VWA7: variants seen among roughly 807,000 people sequenced by gnomAD.
VWA7 encodes von Willebrand factor A domain-containing protein 7.
A neutral mutation model predicts 83.1 loss-of-function variants in VWA7; 66 were observed. That is an observed-to-expected ratio of 0.79 (90% CI 0.65 to 0.98). The LOEUF is 0.98. VWA7 is among the 50% of genes least tolerant of loss of function. The pLI, the probability that VWA7 is intolerant of heterozygous loss-of-function variation, is 0.00. For synonymous variants in VWA7, 424 were observed against 488.5 expected, an observed-to-expected ratio of 0.87 and a Z score of 1.74; for missense variants, 1,080 against 1,160.2, an observed-to-expected ratio of 0.93 and a Z score of 1.00.
Position 31,768,978 on chromosome 6 carries a change from A to C in VWA7, c.1503+40T>G. 5 of 1,568,122 alleles carry C rather than the reference A, an allele frequency of 3.2e-6. No individual in the cohort carries two copies. The South Asian group carries it at 4.6e-5, about 14-fold the overall frequency. ...ATAAGAAGAGAGGTGCAGCCTGACC[A>C]CCCTTCAGTTCCTAAGTGAGGGCCC... On this transcript the variant is annotated intron_variant, in intron 10 of 16. Transcript: ENST00000375688.
Position 31,777,199 on chromosome 6 carries a change from G to C in VWA7, c.-106C>G, listed in dbSNP as rs1371962838. 4 of 389,316 alleles carry C rather than the reference G, an allele frequency of 1.0e-5. No individual in the cohort carries two copies. Among genetic ancestry groups the C allele is most frequent in the Non-Finnish European group, 1.9e-5 (4 of 215,042 alleles). The allele number at this position is 389,316 out of a possible 1,614,324, so 24.1% of individuals were successfully genotyped here. ...TTATAATTAACCGAGGCTCAGCAGA[G>C]GGGGAGGAAGGCCTCAACAGGGTGG... On this transcript the variant is annotated 5_prime_UTR_variant, in exon 1 of 17. Transcript: ENST00000375688. The surrounding 1 kb of genome is among the most constrained non-coding windows in gnomAD (Gnocchi z 5.8).
In VWA7 at chr6:31,776,966, T is replaced by C; in HGVS notation, c.-16+143A>G. 2.2e-6 allele frequency: 1 copy of C among 458,122 alleles called. No individual in the cohort carries two copies. Among genetic ancestry groups the C allele is most frequent in the East Asian group, 3.4e-5 (1 of 29,448 alleles). The allele number at this position is 458,122 out of a possible 1,614,324, so 28.4% of individuals were successfully genotyped here. On this transcript the variant is annotated intron_variant, in intron 1 of 16. Coordinates refer to ENST00000375688, the MANE Select transcript of VWA7 (RefSeq NM_025258.3). This position sits in a 1 kb window ranked among gnomAD's most constrained non-coding sequence, Gnocchi z 6.2. ...CAACCTGAGGGCCTCATCGGACCATTAGGGACATACACACCTGCCAGGAGA... is the reference window on the plus strand; with the variant it reads ...CAACCTGAGGGCCTCATCGGACCATCAGGGACATACACACCTGCCAGGAGA...
chr6:31,769,007 C>T lies in VWA7; in HGVS notation c.1503+11G>A. 1.2e-6 allele frequency: 2 copies of T among 1,605,074 alleles called. No individual in the cohort carries two copies. The highest frequency in any genetic ancestry group is 1.7e-6 in the Non-Finnish European group (2 of 1,176,404). On this transcript the variant is annotated intron_variant, in intron 10 of 16. Coordinates refer to ENST00000375688, the MANE Select transcript of VWA7 (RefSeq NM_025258.3). This position sits in a 1 kb window ranked among gnomAD's most constrained non-coding sequence, Gnocchi z 4.5. ...TTCAGTTCCTAAGTGAGGGCCCTGG[C>T]CCCCACTTACCAGGGCAGCCATGCT...
chr6:31,772,971 A>AC lies in VWA7; in HGVS notation c.1069dup (p.Val357GlyfsTer5). On this transcript the variant is annotated frameshift_variant, in exon 7 of 17. Coordinates refer to ENST00000375688, the MANE Select transcript of VWA7 (RefSeq NM_025258.3). LOFTEE classifies it high-confidence loss of function. ...ACACTTACCTGGGTCATGAAAAGGC[A>AC]CCAGGACATAGTGGACAGGCTCCAT... 12 of 1,518,622 alleles carry AC rather than the reference A, an allele frequency of 7.9e-6. No individual in the cohort carries two copies. The highest frequency in any genetic ancestry group is 1.1e-5 in the Non-Finnish European group (12 of 1,104,092). The allele number at this position is 1,518,622 out of a possible 1,614,324, so 94.1% of individuals were successfully genotyped here.
At position 31,769,826 on chromosome 6, in the gene VWA7, G is replaced by A. The variant is rs1252681060; in HGVS notation, c.1201-35C>T. ...AAGGCAACGACCAGTGTTAACAATG[G>A]CAGTAGGAGGGGAATGGGTAGAGCC... is the stretch of plus-strand genomic sequence containing the variant. On this transcript the variant is annotated intron_variant, in intron 8 of 16. Transcript: ENST00000375688. This position sits in a 1 kb window ranked among gnomAD's most constrained non-coding sequence, Gnocchi z 4.5. 3 of 1,590,404 alleles carry A rather than the reference G, an allele frequency of 1.9e-6. No homozygotes were observed. Among genetic ancestry groups the A allele is most frequent in the South Asian group, 2.2e-5 (2 of 90,624 alleles).
At position 31,773,882 on chromosome 6, in the gene VWA7, C is replaced by A. The variant is rs707930; in HGVS notation, c.722-445G>T. On this transcript the variant is annotated intron_variant, in intron 5 of 16. Transcript: ENST00000375688. This position sits in a 1 kb window ranked among gnomAD's most constrained non-coding sequence, Gnocchi z 5.3. ...TAAATAAATAAATGATGGCTGGGCACGGTGGCTCACACCAGTAATCCCAGC... is the reference window on the plus strand; with the variant it reads ...TAAATAAATAAATGATGGCTGGGCAAGGTGGCTCACACCAGTAATCCCAGC... Among the ~76,000 whole-genome samples, 2 of 151,270 alleles carry A rather than the reference C, an allele frequency of 1.3e-5. No individual in the cohort carries two copies. Among genetic ancestry groups the A allele is most frequent in the African/African-American group, 4.9e-5 (2 of 41,100 alleles).
Position 31,777,070 on chromosome 6 carries a change from A to G in VWA7, c.-16+39T>C, listed in dbSNP as rs1296386514. 5.0e-6 allele frequency: 2 copies of G among 400,518 alleles called. No individual in the cohort carries two copies. The highest frequency in any genetic ancestry group is 2.1e-5 in the African/African-American group (1 of 48,532). 24.8% of individuals were successfully genotyped at this position (400,518 alleles called of 1,614,324 possible). On this transcript the variant is annotated intron_variant, in intron 1 of 16. Coordinates refer to ENST00000375688, the MANE Select transcript of VWA7 (RefSeq NM_025258.3). The surrounding 1 kb of genome is among the most constrained non-coding windows in gnomAD (Gnocchi z 5.8). ...CAGCCCTGCCGCAGAAACACTCCCC[A>G]TGCTCAGGAAGCCTGAGTCCTCTCA...
chr6:31,769,752 C>G lies in VWA7; in HGVS notation c.1240G>C (p.Val414Leu). 1 of 1,613,090 alleles carries G rather than the reference C, an allele frequency of 6.2e-7. No homozygotes were observed. The highest frequency in any genetic ancestry group is 8.5e-7 in the Non-Finnish European group (1 of 1,180,040). ...LHTPPLSDIF[V>L]FTDASPKDAF... ...TCCTTGGGGGAGGCATCCGTGAAGA[C>G]AAAGATATCTGAGAGTGGAGGTGTG... Residue 414 changes from valine to leucine, a missense_variant, in exon 9 of 17, where the codon GTC becomes CTC. By Grantham distance (32) the Val-to-Leu change is conservative (BLOSUM62 1). Transcript: ENST00000375688. This position sits in a 1 kb window ranked among gnomAD's most constrained non-coding sequence, Gnocchi z 4.5.
chr6:31,773,073 G>C lies in VWA7; in HGVS notation c.968C>G (p.Thr323Arg). Reference protein sequence around the residue: ...ASSLSFVLDTTGSMGEEINAA... With the variant: ...ASSLSFVLDTRGSMGEEINAA... ...GTTGATCTCCTCACCCATGCTGCCC[G>C]TGGTGTCCAGGACAAAGCTCAGGCT... The change falls in exon 7 of 17, where the codon ACG becomes AGG. Residue 323 changes from threonine (T) to arginine (R), a missense_variant. Thr to Arg is a moderately conservative substitution (Grantham distance 71). Coordinates refer to ENST00000375688, the MANE Select transcript of VWA7 (RefSeq NM_025258.3). The surrounding 1 kb of genome is among the most constrained non-coding windows in gnomAD (Gnocchi z 5.3). The C allele has an allele frequency of 6.2e-7, 1 of 1,612,204 alleles. No individual in the cohort carries two copies. Among genetic ancestry groups the C allele is most frequent in the Non-Finnish European group, 8.5e-7 (1 of 1,179,706 alleles).
chr6:31,775,381 G>A lies in VWA7; in HGVS notation c.562C>T (p.His188Tyr). 2 of 1,612,708 alleles carry A rather than the reference G, an allele frequency of 1.2e-6. No homozygotes were observed. Among genetic ancestry groups the A allele is most frequent in the Non-Finnish European group, 1.7e-6 (2 of 1,179,822 alleles). ...TGCCTTGGCCAGAGGAGGTGAGGGT[G>A]TGGCTGCTGCTCGCCCAGCTCCACC... ...NWVELGEQQP[H>Y]PHLLWPRQEL... The change falls in exon 4 of 17, where the codon CAC becomes TAC. Residue 188 changes from histidine (H) to tyrosine (Y), a missense_variant. Coordinates refer to ENST00000375688, the MANE Select transcript of VWA7 (RefSeq NM_025258.3). This position sits in a 1 kb window ranked among gnomAD's most constrained non-coding sequence, Gnocchi z 5.9.
rs1480317497 is a variant in VWA7 at position 31,769,495 on chromosome 6, C to G, written c.1317+180G>C. 6.6e-6 allele frequency among the ~76,000 whole-genome samples: 1 copy of G among 152,218 alleles called. No individual in the cohort carries two copies. Among genetic ancestry groups the G allele is most frequent in the African/African-American group, 2.4e-5 (1 of 41,458 alleles). Reference sequence around the variant, plus strand: ...AATTCAGCGTTATTAAGGGTAGGGCCTCTTACGTATATCATTAAAGGTATC... The same window carrying G: ...AATTCAGCGTTATTAAGGGTAGGGCGTCTTACGTATATCATTAAAGGTATC... On this transcript the variant is annotated intron_variant, in intron 9 of 16. Coordinates refer to ENST00000375688, the MANE Select transcript of VWA7 (RefSeq NM_025258.3). The surrounding 1 kb of genome is among the most constrained non-coding windows in gnomAD (Gnocchi z 4.5).
At position 31,766,990 on chromosome 6, in the gene VWA7, T is replaced by C. The variant is rs887190697; in HGVS notation, c.1882+168A>G. On this transcript the variant is annotated intron_variant, in intron 13 of 16. Coordinates refer to ENST00000375688, the MANE Select transcript of VWA7 (RefSeq NM_025258.3). The surrounding 1 kb of genome is among the most constrained non-coding windows in gnomAD (Gnocchi z 4.9). ...ATGAAATCCATCAAACTGTACACTT[T>C]AGTGCACATTATGTAAATTATAACT... is the stretch of plus-strand genomic sequence containing the variant. Among the ~76,000 whole-genome samples the C allele has an allele frequency of 4.2e-4, 63 of 151,138 alleles. No individual in the cohort carries two copies. Among genetic ancestry groups the C allele is most frequent in the African/African-American group, 1.4e-3 (59 of 41,102 alleles).
At chr6:31,767,115 A>T (rs778323779) in intron 13 of VWA7, 43 bp downstream of exon 13, 5 of 511,512 alleles carry the variant, frequency 9.8e-6, no homozygotes, top group Non-Finnish European at 1.7e-5. Context: ...TATATATATA[A>T]AACTGGGGGT....
Position 31,769,237 on chromosome 6 carries a change from T to C in VWA7, c.1318-34A>G. The stretch of plus-strand genomic sequence containing the variant: ...AGAAGAGAGCTCAGTGATTGGGGTG[T>C]CCAAGTGCCATCCACTATTATGAAT... On this transcript the variant is annotated intron_variant, in intron 9 of 16. Transcript: ENST00000375688. The surrounding 1 kb of genome is among the most constrained non-coding windows in gnomAD (Gnocchi z 4.5). The C allele has an allele frequency of 1.3e-6, 2 of 1,594,772 alleles. No homozygotes were observed. Among genetic ancestry groups the C allele is most frequent in the Non-Finnish European group, 1.7e-6 (2 of 1,170,104 alleles).
At position 31,767,647 on chromosome 6, in the gene VWA7, G is replaced by A. The variant is rs1391026719; in HGVS notation, c.1611C>T (p.Ser537=). ...CTGCAGGGTTCTTGATCCAGAAGCT[G>A]CTGATGTCTCCGTGGATCCGGACTG... ...KITVRIHGDI[S]SFWIKNPAGV... The change falls in exon 11 of 17, where the codon AGC becomes AGT. Residue 537 remains serine (S), a synonymous_variant. Coordinates refer to ENST00000375688, the MANE Select transcript of VWA7 (RefSeq NM_025258.3). 7 of 1,613,094 alleles carry A rather than the reference G, an allele frequency of 4.3e-6. No homozygotes were observed. The highest frequency in any genetic ancestry group is 4.0e-5 in the African/African-American group (3 of 74,882).
chr6:31,765,811 T>G (rs1472104529), intron 16 of VWA7, 41 bp from the exon 17 acceptor site: 1 of 1,594,358 alleles, frequency 6.3e-7, no homozygotes, highest in South Asian at 1.1e-5. Flanking sequence ...GTGCTAGAGC[T>G]GTACTCAAAT....
Position 31,769,710 on chromosome 6 carries a change from G to A in VWA7, c.1282C>T (p.Gln428Ter). The change falls in exon 9 of 17, where the codon CAG becomes TAG. Residue 428 changes from glutamine (Q) to a stop codon, truncating the protein, a stop_gained. Coordinates refer to ENST00000375688, the MANE Select transcript of VWA7 (RefSeq NM_025258.3). LOFTEE classifies it high-confidence loss of function. This position sits in a 1 kb window ranked among gnomAD's most constrained non-coding sequence, Gnocchi z 4.5. The stretch of plus-strand genomic sequence containing the variant: ...CGCTCCTGAGTCAGGGATTCCACCT[G>A]GTTGGTGAGAAAGGCATCCTTGGGG... Reference protein sequence around the residue: ...ASPKDAFLTNQVESLTQERRC... With the variant: ...ASPKDAFLTN The A allele has an allele frequency of 1.9e-6, 3 of 1,613,070 alleles. No homozygotes were observed. The highest frequency in any genetic ancestry group is 2.5e-6 in the Non-Finnish European group (3 of 1,180,026).
At position 31,774,526 on chromosome 6, in the gene VWA7, C is replaced by G; in HGVS notation, c.711G>C (p.Pro237=). 1 of 1,612,676 alleles carries G rather than the reference C, an allele frequency of 6.2e-7. No individual in the cohort carries two copies. Among genetic ancestry groups the G allele is most frequent in the Non-Finnish European group, 8.5e-7 (1 of 1,179,892 alleles). ...LTSGYFGTHP[P]KPPGKCSHGG... The stretch of plus-strand genomic sequence containing the variant: ...TTTCTTGTCTGGTACCTGGAGGTTT[C>G]GGGGGATGAGTTCCAAAGTAGCCAG... The change falls in exon 5 of 17, where the codon CCG becomes CCC. Residue 237 remains proline (P), a synonymous_variant. Transcript: ENST00000375688.
Position 31,776,876 on chromosome 6 carries a change from C to G in VWA7, c.-15-82G>C, listed in dbSNP as rs1812736045. The G allele has an allele frequency of 1.3e-6, 1 of 771,944 alleles. No homozygotes were observed. The highest frequency in any genetic ancestry group is 1.8e-5 in the African/African-American group (1 of 55,148). The allele number at this position is 771,944 out of a possible 1,614,324, so 47.8% of individuals were successfully genotyped here. A position where few individuals can be genotyped will look rare whatever the true frequency, so the allele number is the denominator to read the frequency against. ...CGGCTCTGCGGGTCTCCATGGGAAC[C>G]TGCTTTACCTCAAAAGTCGTGTCTG... On this transcript the variant is annotated intron_variant, in intron 1 of 16. Coordinates refer to ENST00000375688, the MANE Select transcript of VWA7 (RefSeq NM_025258.3). The surrounding 1 kb of genome is among the most constrained non-coding windows in gnomAD (Gnocchi z 6.2).
Sources: allele counts gnomAD v4.1 joint callset (sites outside exome capture counted in the v4.1 genomes callset), GRCh38; gene constraint gnomAD v4.1.1; non-coding constraint Gnocchi (gnomAD v3.1); transcripts MANE v1.5; gene names NCBI Gene and HGNC (gene_info 2026-07-23, HGNC 2026-07-21).